The following FGF12 variants were observed in gnomAD, a reference collection of about 807,000 sequenced individuals.
FGF12 encodes the protein fibroblast growth factor 12B.
In FGF12, 14 loss-of-function variants were observed where a neutral mutation model predicts 23.6. The ratio of observed to expected loss-of-function variants is 0.59; its 90% CI spans 0.39 to 0.93. The LOEUF (loss-of-function observed/expected upper bound fraction) is 0.93. FGF12 is among the 40% of genes least tolerant of loss of function. The pLI is 0.00. For missense variants in FGF12, 175 were observed against 217.8 expected (o/e 0.80, Z 1.24); for synonymous variants, 62 against 77.3 (o/e 0.80, Z 1.04).
At chr3:192,719,709 T>G (rs1441836072) in intron 2 of FGF12, among the ~76,000 whole-genome samples, 1 of 149,546 alleles carries the variant, frequency 6.7e-6, no homozygotes, top group African/African-American at 2.5e-5. Context: ...AATGATCATA[T>G]AATAAATCTT....
chr3:192,708,194 C>T (rs1718543854), intron 2 of FGF12, among the ~76,000 whole-genome samples: 2 of 152,014 alleles, frequency 1.3e-5, no homozygotes, highest in African/African-American at 4.8e-5. Context: ...CTCCTGACCT[C>T]GTGATCCACC....
chr3:192,437,719 CA>C (rs371838869), intron 2 of FGF12, among the ~76,000 whole-genome samples: 68 of 125,368 alleles, frequency 5.4e-4, no homozygotes, highest in African/African-American at 9.7e-4. Flanking sequence ...AACAAACAAA[CA>C]AAAAAAAAAA....
intron 4 of FGF12, among the ~76,000 whole-genome samples, chr3:192,189,313 G>C (rs531261019): frequency 5.5e-4 from 84 of 152,218 alleles, no homozygotes; most frequent in African/African-American, 1.8e-3. Context: ...CTGTGACATA[G>C]GCATGCTTCT....
At chr3:192,476,904 C>T (rs2108816820) in intron 2 of FGF12, among the ~76,000 whole-genome samples, 1 of 152,220 alleles carries the variant, frequency 6.6e-6, no homozygotes, top group East Asian at 1.9e-4. Context: ...CTGATAAATG[C>T]TTTCGGATGA....
At chr3:192,221,361 A>G (rs1718467675) in intron 4 of FGF12, among the ~76,000 whole-genome samples, 1 of 152,172 alleles carries the variant, frequency 6.6e-6, no homozygotes, top group Admixed American at 6.5e-5. Context: ...CAGCCAATGG[A>G]AAAATGGTAA....
intron 2 of FGF12, among the ~76,000 whole-genome samples, chr3:192,639,643 T>A (rs1440244970): frequency 6.6e-6 from 1 of 152,248 alleles, no homozygotes; most frequent in Non-Finnish European, 1.5e-5. Context: ...TAACCACAGA[T>A]GGGAAACATT....
intron 2 of FGF12, among the ~76,000 whole-genome samples, chr3:192,585,548 T>C (rs775255631): frequency 6.6e-6 from 1 of 152,100 alleles, no homozygotes; most frequent in Non-Finnish European, 1.5e-5. Context: ...AACAAGCTGG[T>C]AGGTATCTCA....
At chr3:192,319,793 G>T (rs1299957847) in intron 4 of FGF12, among the ~76,000 whole-genome samples, 1 of 151,674 alleles carries the variant, frequency 6.6e-6, no homozygotes, top group Non-Finnish European at 1.5e-5. Flanking sequence ...TAAAATGGTG[G>T]GTTATATTAT....
At chr3:192,611,484 A>G (rs1714547657) in intron 2 of FGF12, among the ~76,000 whole-genome samples, 3 of 152,050 alleles carry the variant, frequency 2.0e-5, no homozygotes, top group African/African-American at 2.4e-5. Context: ...AGGTCCTTGC[A>G]TTAGCCTTAA....
intron 4 of FGF12, among the ~76,000 whole-genome samples, chr3:192,173,252 C>T (rs1344335585): frequency 6.6e-6 from 1 of 150,640 alleles, no homozygotes; most frequent in Admixed American, 6.7e-5. Flanking sequence ...CTAAAGCATG[C>T]ATACATTTTT....
chr3:192,400,420 G>A (rs960504190), intron 2 of FGF12, among the ~76,000 whole-genome samples: 3 of 146,306 alleles, frequency 2.1e-5, no homozygotes, highest in Non-Finnish European at 4.5e-5. Flanking sequence ...CCGGGCTGGA[G>A]TGCAATGACA....
At chr3:192,566,322 C>T (rs1241101998) in intron 2 of FGF12, among the ~76,000 whole-genome samples, 3 of 152,130 alleles carry the variant, frequency 2.0e-5, no homozygotes, top group Admixed American at 1.3e-4. Context: ...GAAAATCATT[C>T]TAGCAGCATG....
chr3:192,451,084 GT>G (rs1237732881), intron 2 of FGF12, among the ~76,000 whole-genome samples: 2 of 152,194 alleles, frequency 1.3e-5, no homozygotes, highest in Non-Finnish European at 2.9e-5. Context: ...GACTACATAT[GT>G]ATCTTCCTTG....
intron 4 of FGF12, among the ~76,000 whole-genome samples, chr3:192,242,338 C>T (rs1719662640): frequency 6.6e-6 from 1 of 152,140 alleles, no homozygotes. Context: ...TGAGCAGCAT[C>T]CCTAGCCAGA....
chr3:192,592,526 G>C (rs1362217390), intron 2 of FGF12, among the ~76,000 whole-genome samples: 1 of 151,676 alleles, frequency 6.6e-6, no homozygotes. Context: ...ACTTTTAGTT[G>C]TTCACCATGC....
chr3:192,325,827 A>G (rs1446334078), intron 4 of FGF12, among the ~76,000 whole-genome samples: 2 of 152,188 alleles, frequency 1.3e-5, no homozygotes, highest in African/African-American at 4.8e-5. Flanking sequence ...TGGCAATATC[A>G]GCTCTTAAAA....
intron 3 of FGF12, among the ~76,000 whole-genome samples, chr3:192,351,644 T>C (rs968684776): frequency 6.6e-6 from 1 of 152,246 alleles, no homozygotes; most frequent in African/African-American, 2.4e-5. Flanking sequence ...TGTAGCTCTT[T>C]GGATTTTGGA....
chr3:192,291,487 G>A (rs540160690), intron 4 of FGF12, among the ~76,000 whole-genome samples: 19 of 152,208 alleles, frequency 1.2e-4, no homozygotes, highest in African/African-American at 4.3e-4. Flanking sequence ...GGAAGCTGAG[G>A]TGGAAGAATT....
At chr3:192,209,746 A>C (rs1717834795) in intron 4 of FGF12, among the ~76,000 whole-genome samples, 1 of 152,196 alleles carries the variant, frequency 6.6e-6, no homozygotes, top group African/African-American at 2.4e-5. Context: ...ATAAAGCAGA[A>C]GGACTTCCAT....
Sources: gnomAD v4.1 joint callset for allele counts (sites outside exome capture counted in the v4.1 genomes callset) on GRCh38, gnomAD v4.1.1 for gene constraint, MANE v1.5 for transcripts, NCBI Gene and HGNC (gene_info 2026-07-23, HGNC 2026-07-21) for gene names.